Variants in AKT3 observed in about 807,000 individuals in gnomAD.
AKT3 encodes AKT serine/threonine kinase 3, also known as RAC-gamma serine/threonine-protein kinase.
A neutral mutation model predicts 65.3 loss-of-function variants in AKT3; 15 were observed. That is an observed-to-expected ratio of 0.23 (90% CI 0.15 to 0.35). The LOEUF is 0.35. Ranked by LOEUF, AKT3 falls within the 10% of genes least tolerant of loss-of-function variation. The pLI, the probability that AKT3 is intolerant of heterozygous loss-of-function variation, is 1.00. For synonymous variants in AKT3, 206 were observed against 183.8 expected (o/e 1.12, Z -0.98); for missense variants, 243 against 576.5 (o/e 0.42, Z 5.92).
chr1:243,544,219 T>C (rs1672499782), intron 12 of AKT3, among the ~76,000 whole-genome samples: 1 of 121,954 alleles, frequency 8.2e-6, no homozygotes, highest in Non-Finnish European at 1.6e-5. Flanking sequence ...TCCCTGTCTG[T>C]ACTAACAATA....
At chr1:243,849,397 C>A (rs1044447150) in intron 1 of AKT3, among the ~76,000 whole-genome samples, 1 of 135,806 alleles carries the variant, frequency 7.4e-6, no homozygotes, top group East Asian at 2.2e-4. Context: ...CCCCCCCCCC[C>A]ACCCCACCAG....
intron 10 of AKT3, 75 bp downstream of exon 10, chr1:243,563,645 T>C: frequency 6.6e-7 from 1 of 1,506,472 alleles, no homozygotes; most frequent in Non-Finnish European, 8.8e-7. Context: ...TACAGTTAAC[T>C]TTTAATGCTT....
chr1:243,508,674 TTTTTTTTA>T (rs1479382649), intron 13 of AKT3, among the ~76,000 whole-genome samples: 28 of 82,962 alleles, frequency 3.4e-4, no homozygotes, highest in Middle Eastern at 8.2e-3. Flanking sequence ...TTTTTTTTTT[TTTTTTTTA>T]AAAGACAGAG....
At chr1:243,633,095 G>T (rs1434759100) in intron 6 of AKT3, among the ~76,000 whole-genome samples, 2 of 152,142 alleles carry the variant, frequency 1.3e-5, no homozygotes, top group African/African-American at 4.8e-5. Flanking sequence ...GAAGGCAATT[G>T]GTTGATACAT....
At chr1:243,804,413 T>C (rs1214037887) in intron 2 of AKT3, among the ~76,000 whole-genome samples, 1 of 152,230 alleles carries the variant, frequency 6.6e-6, no homozygotes, top group African/African-American at 2.4e-5. Flanking sequence ...TTGCACTTAT[T>C]TACCACATAC....
At chr1:243,575,691 T>C (rs1674889688) in intron 8 of AKT3, among the ~76,000 whole-genome samples, 1 of 152,134 alleles carries the variant, frequency 6.6e-6, no homozygotes, top group African/African-American at 2.4e-5. Context: ...ACTTGATAGA[T>C]AAGAAAAAGC....
chr1:243,539,165 G>A (rs562335202), intron 12 of AKT3, among the ~76,000 whole-genome samples: 2 of 152,092 alleles, frequency 1.3e-5, no homozygotes, highest in African/African-American at 2.4e-5. Context: ...ACGTACACCC[G>A]GATTTTCTTC....
chr1:243,499,591 C>T, downstream of AKT3: 1 of 677,566 alleles, frequency 1.5e-6, no homozygotes, highest in South Asian at 1.7e-5. Context: ...TTGATGTGGA[C>T]AAGATGAGGC....
chr1:243,503,960 T>C lies in AKT3; in HGVS notation c.*1289A>G, dbSNP rs1011105298. 1 of 226,326 alleles carries C rather than the reference T, an allele frequency of 4.4e-6. No homozygotes were observed. Among genetic ancestry groups the C allele is most frequent in the Non-Finnish European group, 8.8e-6 (1 of 113,510 alleles). The allele number at this position is 226,326 out of a possible 1,614,324, so 14.0% of individuals were successfully genotyped here. ...CAAACGTCAACAGCTATTTGTTTCA[T>C]TAACCCCTTGGCATGCATAGTTGGG... On this transcript the variant is annotated 3_prime_UTR_variant, in exon 14 of 14. Coordinates refer to ENST00000673466, the MANE Select transcript of AKT3 (RefSeq NM_005465.7).
chr1:243,530,089 T>C (rs1308773292), intron 12 of AKT3, among the ~76,000 whole-genome samples: 1 of 152,204 alleles, frequency 6.6e-6, no homozygotes, highest in Admixed American at 6.5e-5. Flanking sequence ...TTCTTGATTT[T>C]GCTCTCAGCT....
intron 2 of AKT3, among the ~76,000 whole-genome samples, chr1:243,711,706 C>A (rs2148076060): frequency 6.6e-6 from 1 of 152,262 alleles, no homozygotes; most frequent in East Asian, 1.9e-4. Context: ...ATTTTGTTTT[C>A]ACAAGATCCT....
intron 12 of AKT3, among the ~76,000 whole-genome samples, chr1:243,538,319 A>G (rs960667767): frequency 6.6e-6 from 1 of 152,146 alleles, no homozygotes; most frequent in Admixed American, 6.5e-5. Flanking sequence ...AGAAGACAAT[A>G]GCAGTGATAA....
intron 10 of AKT3, among the ~76,000 whole-genome samples, chr1:243,555,464 T>C (rs894745075): frequency 1.3e-5 from 2 of 152,182 alleles, no homozygotes; most frequent in Admixed American, 6.5e-5. Flanking sequence ...ACAGCCAAAT[T>C]AACCAATTCG....
intron 1 of AKT3, among the ~76,000 whole-genome samples, chr1:243,843,780 C>A (rs1695391713): frequency 6.6e-6 from 1 of 151,652 alleles, no homozygotes; most frequent in South Asian, 2.1e-4. Context: ...GCCTCCCAAG[C>A]AGCTGGGACT....
intron 1 of AKT3, among the ~76,000 whole-genome samples, 199 bp downstream of exon 1, chr1:243,849,841 A>C (rs1234079461): frequency 2.0e-5 from 3 of 151,290 alleles, no homozygotes; most frequent in Non-Finnish European, 3.0e-5. Flanking sequence ...CCCGGCCTCC[A>C]CACCCACACC....
At chr1:243,496,424 T>C (rs1190791575), downstream of AKT3, among the ~76,000 whole-genome samples, 1 of 151,916 alleles carries the variant, frequency 6.6e-6, no homozygotes, top group Non-Finnish European at 1.5e-5. Flanking sequence ...CAGATGGAGG[T>C]AGGGGGAGGG....
intron 2 of AKT3, among the ~76,000 whole-genome samples, chr1:243,830,304 T>C (rs2148446327): frequency 6.6e-6 from 1 of 152,238 alleles, no homozygotes; most frequent in South Asian, 2.1e-4. Flanking sequence ...CACCATTTTA[T>C]GTAAGGGATT....
intron 11 of AKT3, among the ~76,000 whole-genome samples, chr1:243,551,316 A>G (rs1159212054): frequency 2.0e-5 from 3 of 152,198 alleles, no homozygotes; most frequent in African/African-American, 7.2e-5. Flanking sequence ...TAGCTGTGAA[A>G]GTGCTCTGAA....
chr1:243,597,858 G>A (rs1232797453), intron 8 of AKT3, among the ~76,000 whole-genome samples: 7 of 152,226 alleles, frequency 4.6e-5, no homozygotes, highest in Admixed American at 3.3e-4. Flanking sequence ...ACATAGTACA[G>A]TGCCTGCCTT....
Sources: gnomAD v4.1 joint callset for allele counts (sites outside exome capture counted in the v4.1 genomes callset) on GRCh38, gnomAD v4.1.1 for gene constraint, MANE v1.5 for transcripts, NCBI Gene and HGNC (gene_info 2026-07-23, HGNC 2026-07-21) for gene names.